The following NCOA2 variants were observed in gnomAD, a reference collection of about 807,000 sequenced individuals.
The protein encoded by NCOA2 is class E basic helix-loop-helix protein 75.
Under a neutral mutation model 145.1 loss-of-function variants are expected in NCOA2, and 21 were observed. The observed-to-expected ratio is 0.14, with a 90% CI of 0.10 to 0.21. NCOA2 has a LOEUF of 0.21. Among genes scored for constraint, NCOA2 ranks in the 10% least tolerant of loss-of-function variants. NCOA2 has a pLI of 1.00. For synonymous variants in NCOA2, 619 were observed against 637.5 expected, an observed-to-expected ratio of 0.97 and a Z score of 0.44; for missense variants, 1,472 against 1,837.6, an observed-to-expected ratio of 0.80 and a Z score of 3.64.
chr8:70,223,436 T>C (rs1820336264), intron 2 of NCOA2, among the ~76,000 whole-genome samples: 1 of 152,188 alleles, frequency 6.6e-6, no homozygotes, highest in East Asian at 1.9e-4. Context: ...CAGCATAATA[T>C]GTTGTTTGGT....
intron 4 of NCOA2, among the ~76,000 whole-genome samples, chr8:70,199,804 C>T (rs1452946666): frequency 6.6e-6 from 1 of 152,162 alleles, no homozygotes; most frequent in Non-Finnish European, 1.5e-5. Context: ...TAATTACATC[C>T]ATTGACAGCC....
chr8:70,447,323 A>G, the NCOA2 span, among the ~76,000 whole-genome samples: 4 of 152,158 alleles, frequency 2.6e-5, no homozygotes, highest in South Asian at 8.3e-4. Context: ...AAAAGCACAT[A>G]GGAGACAGTT....
chr8:70,394,223 T>C (rs766249351), intron 1 of NCOA2, among the ~76,000 whole-genome samples: 5 of 152,232 alleles, frequency 3.3e-5, no homozygotes, highest in Non-Finnish European at 5.9e-5. Flanking sequence ...TGGCGCAATC[T>C]TGGCTCACCA....
intron 1 of NCOA2, among the ~76,000 whole-genome samples, chr8:70,339,773 AAT>A (rs1396537729): frequency 2.6e-5 from 4 of 152,166 alleles, no homozygotes; most frequent in Admixed American, 6.5e-5. Flanking sequence ...AGAACTCAGT[AAT>A]ATAACTGTTG....
At chr8:70,418,608 T>C in the NCOA2 span, among the ~76,000 whole-genome samples, 2 of 152,208 alleles carry the variant, frequency 1.3e-5, no homozygotes, top group African/African-American at 4.8e-5. Flanking sequence ...CACCATTCCC[T>C]AATCAGCTAG....
chr8:70,308,435 G>A (rs1462611277), intron 1 of NCOA2, among the ~76,000 whole-genome samples: 1 of 150,938 alleles, frequency 6.6e-6, no homozygotes, highest in East Asian at 1.9e-4. Flanking sequence ...ATGAAATGAG[G>A]TGTGTGTGTG....
intron 4 of NCOA2, among the ~76,000 whole-genome samples, chr8:70,203,341 CG>C (rs1372039520): frequency 6.6e-6 from 1 of 151,122 alleles, no homozygotes; most frequent in Non-Finnish European, 1.5e-5. Flanking sequence ...TCTGAAAATA[CG>C]TAAGTCTAAA....
intron 1 of NCOA2, among the ~76,000 whole-genome samples, chr8:70,395,284 A>G (rs1249856381): frequency 6.6e-6 from 1 of 152,210 alleles, no homozygotes; most frequent in African/African-American, 2.4e-5. Context: ...CTGCGTAGTA[A>G]GTGGTCAGCT....
intron 1 of NCOA2, among the ~76,000 whole-genome samples, chr8:70,304,384 G>A (rs1827726085): frequency 6.6e-6 from 1 of 152,176 alleles, no homozygotes; most frequent in Admixed American, 6.5e-5. Context: ...TATGTAGCAG[G>A]CTAGACCATC....
intron 2 of NCOA2, among the ~76,000 whole-genome samples, chr8:70,268,394 C>A (rs572917114): frequency 1.4e-4 from 21 of 152,258 alleles, no homozygotes; most frequent in African/African-American, 4.6e-4. Flanking sequence ...CTCAATCTAG[C>A]CATTTTTACA....
At chr8:70,319,270 G>A (rs1370929488) in intron 1 of NCOA2, among the ~76,000 whole-genome samples, 1 of 152,172 alleles carries the variant, frequency 6.6e-6, no homozygotes, top group Non-Finnish European at 1.5e-5. Context: ...GGCCAGGCAT[G>A]GTGGCTAACA....
At chr8:70,320,733 T>TA (rs902871361) in intron 1 of NCOA2, among the ~76,000 whole-genome samples, 91 of 151,960 alleles carry the variant, frequency 6.0e-4, no homozygotes, top group African/African-American at 2.0e-3. Context: ...GATACTCTGT[T>TA]AAAAAAAAGG....
At chr8:70,146,863 T>G (rs1397167145) in intron 12 of NCOA2, among the ~76,000 whole-genome samples, 2 of 148,186 alleles carry the variant, frequency 1.3e-5, no homozygotes, top group Non-Finnish European at 3.0e-5. Context: ...GCCCAGCAAA[T>G]TTTTTGTAGT....
chr8:70,249,065 GT>G (rs929594969), intron 2 of NCOA2, among the ~76,000 whole-genome samples: 85 of 152,200 alleles, frequency 5.6e-4, no homozygotes, highest in African/African-American at 2.0e-3. Context: ...TATGACAGAT[GT>G]TTTTACCTCT....
At chr8:70,134,618 AG>A (rs924687770) in intron 15 of NCOA2, among the ~76,000 whole-genome samples, 1 of 152,206 alleles carries the variant, frequency 6.6e-6, no homozygotes, top group African/African-American at 2.4e-5. Context: ...CACTGTCAGG[AG>A]GAGGCAGGCA....
chr8:70,322,064 C>T (rs2136175094), intron 1 of NCOA2, among the ~76,000 whole-genome samples: 1 of 151,498 alleles, frequency 6.6e-6, no homozygotes, highest in South Asian at 2.1e-4. Context: ...TGCAGTGAGC[C>T]AAAATTATGC....
intron 4 of NCOA2, among the ~76,000 whole-genome samples, chr8:70,210,436 C>T (rs964654159): frequency 6.6e-6 from 1 of 152,180 alleles, no homozygotes; most frequent in African/African-American, 2.4e-5. Flanking sequence ...TATTTGATGG[C>T]AGTCACACTA....
chr8:70,248,741 G>A (rs75217882), intron 2 of NCOA2, among the ~76,000 whole-genome samples: 7,507 of 141,970 alleles, frequency 0.053, 268 homozygotes, highest in East Asian at 0.17. Flanking sequence ...TATTGTTTCG[G>A]GAATAATGAC....
intron 10 of NCOA2, among the ~76,000 whole-genome samples, chr8:70,159,244 T>TATATGTATGTATATATA: frequency 1.4e-5 from 1 of 69,304 alleles, no homozygotes; most frequent in Non-Finnish European, 2.9e-5. Context: ...ATATATATAT[T>TATATGTATGTATATATA]TTTTTTTTTT....
Sources: gnomAD v4.1 joint callset for allele counts (sites outside exome capture counted in the v4.1 genomes callset) on GRCh38, gnomAD v4.1.1 for gene constraint, MANE v1.5 for transcripts, NCBI Gene and HGNC (gene_info 2026-07-23, HGNC 2026-07-21) for gene names.